METTL21A: variants seen among roughly 807,000 people sequenced by gnomAD.
METTL21A encodes the protein methyltransferase 21A, HSPA lysine.
METTL21A carries 22 observed loss-of-function variants against 20.9 expected under a neutral mutation model. The ratio of observed to expected loss-of-function variants is 1.05; its 90% CI spans 0.75 to 1.50. METTL21A has a LOEUF of 1.50. Among genes scored for constraint, METTL21A ranks in the 40% most tolerant of loss-of-function variants. The probability of loss-of-function intolerance (pLI) is 0.00; values close to 1 mark genes in which losing one functional copy is unlikely to be tolerated. For missense variants in METTL21A, 271 were observed against 266.8 expected, an observed-to-expected ratio of 1.02 and a Z score of -0.11; for synonymous variants, 93 against 102.0, an observed-to-expected ratio of 0.91 and a Z score of 0.53.
chr2:207,624,526 G>T, intron 1 of METTL21A, 122 bp from the exon 2 acceptor site: 2 of 881,552 alleles, frequency 2.3e-6, no homozygotes, highest in Non-Finnish European at 3.2e-6. Context: ...ACAGGTGGAG[G>T]AAGCCTTTGT....
downstream of METTL21A, among the ~76,000 whole-genome samples, chr2:207,608,825 G>A (rs2088520160): frequency 6.6e-6 from 1 of 152,206 alleles, no homozygotes; most frequent in Non-Finnish European, 1.5e-5. Context: ...TACTCGGGAG[G>A]CTGAGCCAGG....
chr2:207,613,015 C>A, exon 4 of METTL21A: 1 of 1,524,886 alleles, frequency 6.6e-7, no homozygotes, highest in South Asian at 1.3e-5. Context: ...GTGACACACT[C>A]AATGACAACA....
At chr2:207,590,083 G>GTTTTTTTT (rs59126515) in intron 3 of METTL21A, among the ~76,000 whole-genome samples, 1 of 76,152 alleles carries the variant, frequency 1.3e-5, no homozygotes, top group African/African-American at 4.8e-5. Flanking sequence ...ATTTTGAGAA[G>GTTTTTTTT]TTTTTTTTTT....
intron 1 of METTL21A, 62 bp from the exon 2 acceptor site, chr2:207,624,466 T>G (rs1575169880): frequency 7.3e-7 from 1 of 1,378,160 alleles, no homozygotes; most frequent in East Asian, 2.6e-5. Context: ...TGTTCTTAAC[T>G]AACTCCAAAT....
chr2:207,592,326 A>G (rs979384065), intron 3 of METTL21A, among the ~76,000 whole-genome samples: 3 of 151,914 alleles, frequency 2.0e-5, no homozygotes, highest in Admixed American at 6.6e-5. Flanking sequence ...AAAATCACTT[A>G]AACCCGGGAG....
intron 3 of METTL21A, chr2:207,597,811 G>A (rs2086413348): frequency 5.1e-6 from 1 of 195,872 alleles, no homozygotes. Flanking sequence ...CATGGTATTT[G>A]AATTTTAAAT....
chr2:207,600,969 A>G (rs1254131951), intron 3 of METTL21A: 1 of 157,926 alleles, frequency 6.3e-6, no homozygotes, highest in Admixed American at 9.0e-5. Context: ...AGCCACAGTC[A>G]GCTATTACCA....
At chr2:207,623,468 A>G (rs1215058128) in intron 2 of METTL21A, among the ~76,000 whole-genome samples, 1 of 152,214 alleles carries the variant, frequency 6.6e-6, no homozygotes, top group Non-Finnish European at 1.5e-5. Flanking sequence ...AGCAGTTACA[A>G]TTTTTTAACA....
At chr2:207,590,083 GTTTTTTTTTT>G (rs59126515) in intron 3 of METTL21A, among the ~76,000 whole-genome samples, 1 of 76,148 alleles carries the variant, frequency 1.3e-5, no homozygotes, top group Non-Finnish European at 2.5e-5. Context: ...ATTTTGAGAA[GTTTTTTTTTT>G]TTTTTTTTTT....
intron 3 of METTL21A, among the ~76,000 whole-genome samples, chr2:207,621,259 A>T (rs557404599): frequency 2.0e-5 from 3 of 152,338 alleles, no homozygotes; most frequent in South Asian, 4.1e-4. Context: ...AAAATGACAA[A>T]CTTTGATATC....
At chr2:207,618,853 G>C (rs1168980179) in intron 3 of METTL21A, among the ~76,000 whole-genome samples, 2 of 152,194 alleles carry the variant, frequency 1.3e-5, no homozygotes, top group African/African-American at 2.4e-5. Flanking sequence ...GGTGAGGGGG[G>C]ACTGCTACAG....
intron 3 of METTL21A, among the ~76,000 whole-genome samples, chr2:207,592,181 G>A (rs2085170640): frequency 6.6e-6 from 1 of 152,124 alleles, no homozygotes; most frequent in Non-Finnish European, 1.5e-5. Context: ...GCTGAGGTAG[G>A]CGGATCACAA....
intron 2 of METTL21A, 23 bp from the exon 3 acceptor site, chr2:207,621,940 G>A (rs1408837067): frequency 1.3e-6 from 2 of 1,599,036 alleles, no homozygotes; most frequent in Non-Finnish European, 8.6e-7. Flanking sequence ...ACAGTGTGAT[G>A]ACGATTAAGG....
At chr2:207,621,726 G>A (rs2090498117) in intron 3 of METTL21A, 80 bp downstream of exon 3, 8 of 1,231,580 alleles carry the variant, frequency 6.5e-6, no homozygotes, top group African/African-American at 1.5e-5. Context: ...GAAAACCCAC[G>A]AAGGGTTTTG....
Position 207,594,034 on chromosome 2 carries a change from CTT to C in METTL21A, c.260-11876_260-11875del, listed in dbSNP as rs1020566122. Among the ~76,000 whole-genome samples, 22 of 152,198 alleles carry C rather than the reference CTT, an allele frequency of 1.4e-4. No homozygotes were observed. In the East Asian group the frequency reaches 3.5e-3, roughly 24 times the overall value. ...AGCCACCACACCAGCCCTCACAAAC[CTT>C]TTGAGGTAGAAAATATTACCATGTC... On this transcript the variant is annotated intron_variant, in intron 3 of 3. Coordinates refer to the METTL21A transcript ENST00000425132.
intron 3 of METTL21A, among the ~76,000 whole-genome samples, chr2:207,588,573 A>G (rs903246884): frequency 6.6e-6 from 1 of 152,192 alleles, no homozygotes; most frequent in Admixed American, 6.5e-5. Flanking sequence ...CTAGAATTTT[A>G]GTTAGGATTG....
At chr2:207,613,362 A>G (rs146523436) in exon 4 of METTL21A, 2 of 1,613,090 alleles carry the variant, frequency 1.2e-6, no homozygotes, top group African/African-American at 2.7e-5. Flanking sequence ...TTTAGTTTGG[A>G]TATGAGGAGG....
At chr2:207,613,073 C>T (rs771860439) in exon 4 of METTL21A, 1 of 1,577,466 alleles carries the variant, frequency 6.3e-7, no homozygotes, top group Non-Finnish European at 8.6e-7. Context: ...GGTTTCTCTT[C>T]TGTGCTTCGT....
At chr2:207,583,672 T>A (rs1257641286) in intron 3 of METTL21A, among the ~76,000 whole-genome samples, 1 of 152,324 alleles carries the variant, frequency 6.6e-6, no homozygotes, top group East Asian at 1.9e-4. Context: ...TAAGTTTTTA[T>A]CCTTAAATTT....
Sources: gnomAD v4.1 joint callset for allele counts (sites outside exome capture counted in the v4.1 genomes callset) on GRCh38, gnomAD v4.1.1 for gene constraint, MANE v1.5 for transcripts, NCBI Gene and HGNC (gene_info 2026-07-23, HGNC 2026-07-21) for gene names.